TINAG: variants seen among roughly 807,000 people sequenced by gnomAD.
TINAG encodes tubulointerstitial nephritis antigen.
TINAG carries 83 observed loss-of-function variants against 72.7 expected under a neutral mutation model. That is an observed-to-expected ratio of 1.14 (90% confidence interval 0.96 to 1.37). The LOEUF (loss-of-function observed/expected upper bound fraction) is 1.37, where lower values mean the gene tolerates loss of function less well. TINAG is among the 40% of genes most tolerant of loss of function. TINAG has a pLI of 0.00. For missense variants in TINAG, 685 were observed against 576.6 expected (o/e 1.19, Z -1.93); for synonymous variants, 234 against 189.9 (o/e 1.23, Z -1.91).
At chr6:54,310,410 G>A (rs1226605661) in intron 1 of TINAG, among the ~76,000 whole-genome samples, 1 of 150,916 alleles carries the variant, frequency 6.6e-6, no homozygotes, top group African/African-American at 2.4e-5. Flanking sequence ...TCCTTCCTCT[G>A]TTTTGTTTTT....
At chr6:54,376,927 G>C (rs930555446) in intron 9 of TINAG, among the ~76,000 whole-genome samples, 4 of 152,244 alleles carry the variant, frequency 2.6e-5, no homozygotes, top group Middle Eastern at 3.4e-3. Context: ...GGAGACTGAA[G>C]GGCTCAGGCA....
chr6:54,315,177 A>G (rs542016427), intron 1 of TINAG, among the ~76,000 whole-genome samples: 232 of 152,316 alleles, frequency 1.5e-3, no homozygotes, highest in Non-Finnish European at 2.8e-3. Context: ...AGATTTAGTT[A>G]CATGGGTATT....
intron 9 of TINAG, among the ~76,000 whole-genome samples, chr6:54,372,727 C>CACATATAT (rs1367446304): frequency 9.0e-5 from 12 of 133,944 alleles, no homozygotes; most frequent in Non-Finnish European, 1.3e-4. Context: ...TAAATACATA[C>CACATATAT]ATATATATAT....
chr6:54,339,887 G>C (rs939677698), intron 4 of TINAG, among the ~76,000 whole-genome samples: 3 of 152,034 alleles, frequency 2.0e-5, no homozygotes, highest in East Asian at 1.9e-4. Flanking sequence ...TTAAATGGGT[G>C]GGGGGAAATA....
chr6:54,377,231 G>A (rs930565100), intron 9 of TINAG, among the ~76,000 whole-genome samples: 2 of 152,088 alleles, frequency 1.3e-5, no homozygotes, highest in Non-Finnish European at 2.9e-5. Context: ...ACCTCAGTAG[G>A]CCAGGTACAG....
At chr6:54,384,231 A>G (rs1254237249) in intron 10 of TINAG, among the ~76,000 whole-genome samples, 1 of 152,176 alleles carries the variant, frequency 6.6e-6, no homozygotes, top group Non-Finnish European at 1.5e-5. Flanking sequence ...GAGGGATAGC[A>G]TTAGGAGAAA....
intron 9 of TINAG, chr6:54,365,627 A>G (rs999559053): frequency 6.6e-6 from 1 of 151,632 alleles, no homozygotes; most frequent in African/African-American, 2.4e-5. Context: ...GCTAGAACTC[A>G]TTCAATGGCT....
chr6:54,365,770 T>A (rs1488232732), intron 9 of TINAG, among the ~76,000 whole-genome samples: 1 of 151,478 alleles, frequency 6.6e-6, no homozygotes, highest in Non-Finnish European at 1.5e-5. Context: ...AAATTTTGAG[T>A]TTGTAGAGAG....
chr6:54,341,476 C>T (rs1263715633), intron 4 of TINAG, among the ~76,000 whole-genome samples: 2 of 152,124 alleles, frequency 1.3e-5, no homozygotes, highest in Non-Finnish European at 2.9e-5. Flanking sequence ...CACTTTCTTC[C>T]ATCATCAAAA....
intron 9 of TINAG, chr6:54,366,863 A>G (rs1763442510): frequency 1.3e-5 from 2 of 151,624 alleles, no homozygotes; most frequent in Non-Finnish European, 3.0e-5. Flanking sequence ...GCCTAATCTC[A>G]CAGGGAGATA....
chr6:54,350,517 C>T (rs1356175695), intron 7 of TINAG, among the ~76,000 whole-genome samples: 1 of 151,528 alleles, frequency 6.6e-6, no homozygotes, highest in Non-Finnish European at 1.5e-5. Flanking sequence ...CTGCCAGCAT[C>T]TGCCACTCTA....
At chr6:54,322,806 A>C (rs73442598) in intron 3 of TINAG, among the ~76,000 whole-genome samples, 5,016 of 152,298 alleles carry the variant, frequency 0.033, 298 homozygotes, top group African/African-American at 0.11. Flanking sequence ...ATTTCCAGGG[A>C]AAACCAATTA....
chr6:54,327,455 C>T (rs1448750097), intron 4 of TINAG, among the ~76,000 whole-genome samples: 6 of 152,098 alleles, frequency 3.9e-5, no homozygotes, highest in East Asian at 1.9e-4. Flanking sequence ...CTTCGCAATC[C>T]GCAAACCAGG....
chr6:54,314,264 C>T (rs1377586362), intron 1 of TINAG, among the ~76,000 whole-genome samples: 2 of 152,182 alleles, frequency 1.3e-5, no homozygotes, highest in Admixed American at 6.6e-5. Context: ...CACGAGGCTC[C>T]ATGCAGCCTT....
At chr6:54,352,720 GT>G (rs138638752) in intron 8 of TINAG, among the ~76,000 whole-genome samples, 34 of 144,174 alleles carry the variant, frequency 2.4e-4, no homozygotes, top group Admixed American at 5.6e-4. Context: ...TGTTTCAAGT[GT>G]TTTTTTTTTC....
At chr6:54,309,568 C>T (rs376866238) in intron 1 of TINAG, among the ~76,000 whole-genome samples, 4 of 152,152 alleles carry the variant, frequency 2.6e-5, no homozygotes, top group South Asian at 2.1e-4. Context: ...TGGATAAATA[C>T]AATATAAAGA....
chr6:54,350,759 G>C (rs1302324816), intron 7 of TINAG, among the ~76,000 whole-genome samples: 1 of 150,754 alleles, frequency 6.6e-6, no homozygotes, highest in Non-Finnish European at 1.5e-5. Flanking sequence ...GTTTGCAAAC[G>C]TAACACTTTG....
intron 1 of TINAG, among the ~76,000 whole-genome samples, chr6:54,317,459 T>C (rs1784398240): frequency 6.6e-6 from 1 of 152,126 alleles, no homozygotes; most frequent in South Asian, 2.1e-4. Flanking sequence ...GATGGTTTTA[T>C]AAATGGGAGT....
chr6:54,324,281 G>T lies in TINAG; in HGVS notation c.510-2521G>T, dbSNP rs138111568. ...TTGGAATTACTCCTGTGTCAACAGA[G>T]CCTCAACTGAGGCTGAATTGTCTGT... On this transcript the variant is annotated intron_variant, in intron 3 of 10. Transcript: ENST00000259782. 1.5e-3 allele frequency among the ~76,000 whole-genome samples: 233 copies of T among 152,262 alleles called. 1 individual carries two copies. Among genetic ancestry groups the T allele is most frequent in the Non-Finnish European group, 2.6e-3 (179 of 68,010 alleles).
Sources: gnomAD v4.1 joint callset for allele counts (sites outside exome capture counted in the v4.1 genomes callset) on GRCh38, gnomAD v4.1.1 for gene constraint, MANE v1.5 for transcripts, NCBI Gene and HGNC (gene_info 2026-07-23, HGNC 2026-07-21) for gene names.